The following OSBP2 variants were observed in gnomAD, a reference collection of about 807,000 sequenced individuals.
OSBP2 encodes the protein oxysterol-binding protein 2.
A neutral mutation model predicts 96.0 loss-of-function variants in OSBP2; 66 were observed. That is an observed-to-expected ratio of 0.69 (90% CI 0.56 to 0.84). The LOEUF (loss-of-function observed/expected upper bound fraction) is 0.84. OSBP2 is among the 40% of genes least tolerant of loss of function. OSBP2 has a pLI of 0.00. For synonymous variants in OSBP2, 525 were observed against 520.9 expected (o/e 1.01, Z -0.11); for missense variants, 1,038 against 1,222.7 (o/e 0.85, Z 2.25).
intron 2 of OSBP2, among the ~76,000 whole-genome samples, chr22:30,804,456 C>T (rs772053502): frequency 2.0e-5 from 3 of 151,972 alleles, no homozygotes; most frequent in Admixed American, 6.6e-5. Flanking sequence ...CTGATGGTGC[C>T]GATGAAATGA....
At chr22:30,862,688 A>G (rs2147090592) in intron 2 of OSBP2, among the ~76,000 whole-genome samples, 1 of 151,368 alleles carries the variant, frequency 6.6e-6, no homozygotes, top group African/African-American at 2.4e-5. Context: ...TCAAAGAAAA[A>G]AAAGGCTAGG....
chr22:30,759,706 C>T (rs1180886059), intron 2 of OSBP2, among the ~76,000 whole-genome samples: 2 of 152,162 alleles, frequency 1.3e-5, no homozygotes, highest in Non-Finnish European at 2.9e-5. Context: ...AAGTTGCATT[C>T]ATAGTTTAAA....
At chr22:30,899,887 T>C (rs933418993) in intron 12 of OSBP2, among the ~76,000 whole-genome samples, 1 of 152,158 alleles carries the variant, frequency 6.6e-6, no homozygotes, top group Non-Finnish European at 1.5e-5. Context: ...AGAAAAATCA[T>C]TTTAGGTGCC....
chr22:30,847,133 A>G (rs1039315072), intron 2 of OSBP2, among the ~76,000 whole-genome samples: 1 of 151,984 alleles, frequency 6.6e-6, no homozygotes. Context: ...ACCTGCCACC[A>G]TACCCAGATA....
At chr22:30,822,866 C>A (rs900492422) in intron 2 of OSBP2, among the ~76,000 whole-genome samples, 1 of 152,132 alleles carries the variant, frequency 6.6e-6, no homozygotes. Context: ...CCCCTGTCCC[C>A]GCACCCCGCC....
intron 2 of OSBP2, among the ~76,000 whole-genome samples, chr22:30,782,658 A>T (rs2090533557): frequency 6.6e-6 from 1 of 152,174 alleles, no homozygotes; most frequent in Admixed American, 6.5e-5. Flanking sequence ...CAGTGTATTT[A>T]TCTGTTGCCT....
rs1349809590 is a variant in OSBP2, at chr22:30,770,175, C to T, written c.853+28806C>T. Among the ~76,000 whole-genome samples the T allele has an allele frequency of 1.6e-4, 24 of 149,600 alleles. No individual in the cohort carries two copies. The Admixed American group carries it at 1.6e-3, about 10-fold the overall frequency. The stretch of plus-strand genomic sequence containing the variant: ...AGTACAGTGGTGCAATCTCAGCTCA[C>T]TGCAACCTCCGCCTCCCAGGTTCAA... On this transcript the variant is annotated intron_variant, in intron 2 of 13. Coordinates refer to ENST00000332585, the MANE Select transcript of OSBP2 (RefSeq NM_030758.4).
chr22:30,830,089 G>T (rs993906814), intron 2 of OSBP2, among the ~76,000 whole-genome samples: 1 of 152,138 alleles, frequency 6.6e-6, no homozygotes. Context: ...GGAGTGTCCT[G>T]TAGGGCCCGG....
At chr22:30,801,479 A>G (rs193114009) in intron 2 of OSBP2, among the ~76,000 whole-genome samples, 87 of 152,280 alleles carry the variant, frequency 5.7e-4, no homozygotes, top group African/African-American at 1.8e-3. Flanking sequence ...TTTTGGCTCC[A>G]TGATCTTTTT....
rs535130538 is a variant in OSBP2, at chr22:30,701,210, C to T, written c.644+5657C>T. ...AGATGGCACACCAAGACATTGTTGC[C>T]TCTGGGATAGATTGTGTACTCACCC... On this transcript the variant is annotated intron_variant, in intron 1 of 13. Coordinates refer to ENST00000332585, the MANE Select transcript of OSBP2 (RefSeq NM_030758.4). Among the ~76,000 whole-genome samples, 3 of 152,248 alleles carry T rather than the reference C, an allele frequency of 2.0e-5. No individual in the cohort carries two copies. In the East Asian group the frequency reaches 5.8e-4, roughly 29 times the overall value.
Position 30,870,562 on chromosome 22 carries a change from A to G in OSBP2, c.987A>G (p.Ala329=), listed in dbSNP as rs1351867504. ...ACCTCATCGCCAAGCACGGCGCTGC[A>G]CTCCAGCGCTCCCTGACAGAGCTGG... is the stretch of plus-strand genomic sequence containing the variant. ...CNDLIAKHGA[A]LQRSLTELDG... is the part of the protein sequence containing the mutation. Residue 329 remains alanine (A), a synonymous_variant, in exon 3 of 14, where the codon GCA becomes GCG. Coordinates refer to ENST00000332585, the MANE Select transcript of OSBP2 (RefSeq NM_030758.4). This position sits in a 1 kb window ranked among gnomAD's most constrained non-coding sequence, Gnocchi z 4.1. The G allele has an allele frequency of 1.2e-6, 2 of 1,613,760 alleles. No homozygotes were observed. Among genetic ancestry groups the G allele is most frequent in the Non-Finnish European group, 1.7e-6 (2 of 1,179,960 alleles).
chr22:30,741,160 G>A lies in OSBP2; in HGVS notation c.645-1G>A. The A allele has an allele frequency of 1.2e-6, 2 of 1,612,970 alleles. No individual in the cohort carries two copies. The highest frequency in any genetic ancestry group is 1.7e-6 in the Non-Finnish European group (2 of 1,179,042). On this transcript the variant is annotated splice_acceptor_variant, in intron 1 of 13. Transcript: ENST00000332585. LOFTEE classifies it high-confidence loss of function. ...CCCATTCCTTCTCTTACATCCTACA[G>A]AAATCAGGGTGAAATGGCCCACACG...
intron 1 of OSBP2, among the ~76,000 whole-genome samples, chr22:30,714,939 TA>T (rs1312713282): frequency 6.6e-6 from 1 of 152,230 alleles, no homozygotes; most frequent in Non-Finnish European, 1.5e-5. Flanking sequence ...TTTGGATATA[TA>T]CGCAAAAGTG....
chr22:30,714,253 G>A (rs560739416), intron 1 of OSBP2, among the ~76,000 whole-genome samples: 1 of 152,108 alleles, frequency 6.6e-6, no homozygotes, highest in Non-Finnish European at 1.5e-5. Context: ...CTTTTTTAAT[G>A]GCTGAATAGT....
At chr22:30,730,811 T>TA (rs544751584) in intron 1 of OSBP2, among the ~76,000 whole-genome samples, 4,483 of 68,712 alleles carry the variant, frequency 0.065, 479 homozygotes, top group East Asian at 0.15. Flanking sequence ...TATATATAAT[T>TA]TTTTTTTTTT....
chr22:30,893,221 T>C lies in OSBP2; in HGVS notation c.1969T>C (p.Tyr657His), dbSNP rs1020627087. 11 of 1,613,926 alleles carry C rather than the reference T, an allele frequency of 6.8e-6. No individual in the cohort carries two copies. In the Middle Eastern group the frequency reaches 6.6e-4, roughly 96 times the overall value. ...CATCTCCAGCAAGTTCCGGGGAAAA[T>C]ACATCTCCATCATGCCGCTAGGTGA... is the stretch of plus-strand genomic sequence containing the variant. ...ITISSKFRGKYISIMPLGAIH... is the reference protein window; with the variant it reads ...ITISSKFRGKHISIMPLGAIH... Residue 657 changes from tyrosine (Y) to histidine (H), a missense_variant, in exon 9 of 14, where the codon TAC becomes CAC. Tyr to His is a moderately conservative substitution (Grantham distance 83). This residue lies in a region of OSBP2 where 737 missense variants were observed against 913.3 expected (regional missense o/e 0.81). Coordinates refer to ENST00000332585, the MANE Select transcript of OSBP2 (RefSeq NM_030758.4).
At chr22:30,713,501 C>T (rs930738078) in intron 1 of OSBP2, among the ~76,000 whole-genome samples, 1 of 151,692 alleles carries the variant, frequency 6.6e-6, no homozygotes, top group Non-Finnish European at 1.5e-5. Flanking sequence ...TGCTCTGTTA[C>T]CCAGGCTAGA....
chr22:30,809,767 G>C (rs1378922976), intron 2 of OSBP2, among the ~76,000 whole-genome samples: 1 of 152,238 alleles, frequency 6.6e-6, no homozygotes, highest in African/African-American at 2.4e-5. Flanking sequence ...GGTACACATG[G>C]AAGCTGAGAC....
At chr22:30,697,708 G>A (rs534688650) in intron 1 of OSBP2, among the ~76,000 whole-genome samples, 1 of 152,326 alleles carries the variant, frequency 6.6e-6, no homozygotes, top group African/African-American at 2.4e-5. Flanking sequence ...TCTGGTGTGT[G>A]TGCGTGTACA....
Sources: allele counts gnomAD v4.1 joint callset (sites outside exome capture counted in the v4.1 genomes callset), GRCh38; gene constraint gnomAD v4.1.1; regional missense constraint gnomAD v4.1.1; non-coding constraint Gnocchi (gnomAD v3.1); transcripts MANE v1.5; gene names NCBI Gene and HGNC (gene_info 2026-07-23, HGNC 2026-07-21).